The following GLI3 variants were observed in gnomAD, a reference collection of about 807,000 sequenced individuals.
GLI3 encodes transcription activator GLI3.
In GLI3, 20 loss-of-function variants were observed where a neutral mutation model predicts 100.8. The ratio of observed to expected loss-of-function variants is 0.20; its 90% CI spans 0.14 to 0.29. The LOEUF is 0.29. Ranked by LOEUF, GLI3 falls within the 10% of genes least tolerant of loss-of-function variation. The pLI, the probability that GLI3 is intolerant of heterozygous loss-of-function variation, is 1.00. For missense variants in GLI3, 2,040 were observed against 2,128.5 expected, an observed-to-expected ratio of 0.96 and a Z score of 0.82; for synonymous variants, 938 against 860.5, an observed-to-expected ratio of 1.09 and a Z score of -1.58.
intron 2 of GLI3, among the ~76,000 whole-genome samples, chr7:42,199,085 A>G (rs899471491): frequency 3.3e-5 from 5 of 152,218 alleles, no homozygotes; most frequent in Non-Finnish European, 5.9e-5. Flanking sequence ...AGAAGAATAC[A>G]CTGAGAATAC....
At chr7:41,994,391 C>T (rs1253115871) in intron 10 of GLI3, among the ~76,000 whole-genome samples, 2 of 152,192 alleles carry the variant, frequency 1.3e-5, no homozygotes, top group African/African-American at 4.8e-5. Context: ...TCATGACTAA[C>T]ATGTTTGAAG....
Position 41,972,674 on chromosome 7 carries a change from C to G in GLI3, c.1813-47G>C. 1 of 1,521,392 alleles carries G rather than the reference C, an allele frequency of 6.6e-7. No homozygotes were observed. Among genetic ancestry groups the G allele is most frequent in the South Asian group, 1.1e-5 (1 of 88,444 alleles). The allele number at this position is 1,521,392 out of a possible 1,614,324, so 94.2% of individuals were successfully genotyped here. The stretch of plus-strand genomic sequence containing the variant: ...AGGTAAGAGATTGTTATGAAAGAGA[C>G]TATGCCCCAGCCCAAAAGTCCTTTA... On this transcript the variant is annotated intron_variant, in intron 12 of 14. Coordinates refer to ENST00000395925, the MANE Select transcript of GLI3 (RefSeq NM_000168.6). This position sits in a 1 kb window ranked among gnomAD's most constrained non-coding sequence, Gnocchi z 4.4.
chr7:42,199,167 G>T (rs1583641240), intron 2 of GLI3, among the ~76,000 whole-genome samples: 1 of 152,288 alleles, frequency 6.6e-6, no homozygotes, highest in East Asian at 1.9e-4. Context: ...CACAAAGCTG[G>T]ATCCAAATGT....
intron 2 of GLI3, among the ~76,000 whole-genome samples, chr7:42,213,881 T>C (rs1311416810): frequency 6.6e-6 from 1 of 152,346 alleles, no homozygotes; most frequent in Non-Finnish European, 1.5e-5. Flanking sequence ...AATGACTAAC[T>C]AGACACAGCA....
At chr7:42,109,840 T>C (rs1785663635) in intron 3 of GLI3, among the ~76,000 whole-genome samples, 1 of 152,192 alleles carries the variant, frequency 6.6e-6, no homozygotes, top group Admixed American at 6.5e-5. Context: ...AACGTCGGCT[T>C]TTCCACTTGC....
chr7:42,023,368 G>A, intron 10 of GLI3, 100 bp downstream of exon 10: 1 of 1,243,640 alleles, frequency 8.0e-7, no homozygotes, highest in Non-Finnish European at 1.2e-6. Context: ...TCGCAATGCG[G>A]CTCCTAAGAA....
At chr7:42,124,179 A>G (rs1786070742) in intron 3 of GLI3, among the ~76,000 whole-genome samples, 1 of 152,208 alleles carries the variant, frequency 6.6e-6, no homozygotes, top group Non-Finnish European at 1.5e-5. Flanking sequence ...CAATGTAAAC[A>G]CACCACAAAA....
rs537307301 is a variant in GLI3, at chr7:42,106,555, G to T, written c.368-29698C>A. Among the ~76,000 whole-genome samples, 100 of 152,324 alleles carry T rather than the reference G, an allele frequency of 6.6e-4. 1 individual carries two copies. Among genetic ancestry groups the T allele is most frequent in the South Asian group, 2.5e-3 (12 of 4,828 alleles). On this transcript the variant is annotated intron_variant, in intron 3 of 14. Coordinates refer to ENST00000395925, the MANE Select transcript of GLI3 (RefSeq NM_000168.6). ...ATTTGTTTTGCTGCTGGACAGAAGAGCTCCTTCTTTTAGAATCATTTGCAG... is the reference window on the plus strand; with the variant it reads ...ATTTGTTTTGCTGCTGGACAGAAGATCTCCTTCTTTTAGAATCATTTGCAG...
intron 2 of GLI3, among the ~76,000 whole-genome samples, chr7:42,185,380 C>T (rs565454954): frequency 6.6e-6 from 1 of 152,362 alleles, no homozygotes; most frequent in African/African-American, 2.4e-5. Context: ...CACTCATGCT[C>T]TCCCGCATCT....
chr7:42,055,910 A>G (rs1397708197), intron 4 of GLI3, among the ~76,000 whole-genome samples: 1 of 152,182 alleles, frequency 6.6e-6, no homozygotes, highest in Non-Finnish European at 1.5e-5. Flanking sequence ...TCTCATCTTG[A>G]ATTCCCATGT....
At chr7:42,229,892 A>T (rs1207454655) in intron 1 of GLI3, among the ~76,000 whole-genome samples, 2 of 152,178 alleles carry the variant, frequency 1.3e-5, no homozygotes, top group African/African-American at 2.4e-5. Flanking sequence ...TAAACATTTC[A>T]TTGGATTTCA....
At chr7:42,110,524 A>G (rs956672029) in intron 3 of GLI3, among the ~76,000 whole-genome samples, 2 of 152,172 alleles carry the variant, frequency 1.3e-5, no homozygotes, top group African/African-American at 4.8e-5. Flanking sequence ...CCAAGAAAGG[A>G]CAAGCCCACG....
At chr7:42,170,386 A>T (rs1787344386) in intron 2 of GLI3, among the ~76,000 whole-genome samples, 1 of 148,286 alleles carries the variant, frequency 6.7e-6, no homozygotes, top group South Asian at 2.1e-4. Flanking sequence ...TCTTACAGAG[A>T]ACTTACTGAT....
chr7:41,978,453 C>A, intron 11 of GLI3, 146 bp downstream of exon 11: 1 of 796,274 alleles, frequency 1.3e-6, no homozygotes. Flanking sequence ...CACTCAAACA[C>A]CGAGGCATTT....
chr7:42,112,040 A>G (rs965020422), intron 3 of GLI3, among the ~76,000 whole-genome samples: 1 of 152,236 alleles, frequency 6.6e-6, no homozygotes. Flanking sequence ...CTTGTGAAGG[A>G]CAAAAAAGTG....
At chr7:42,110,561 C>T (rs1416801074) in intron 3 of GLI3, among the ~76,000 whole-genome samples, 4 of 152,128 alleles carry the variant, frequency 2.6e-5, no homozygotes, top group South Asian at 2.1e-4. Context: ...ATAATAAACC[C>T]GGTAATTCAG....
intron 3 of GLI3, among the ~76,000 whole-genome samples, chr7:42,123,356 G>T (rs1298198246): frequency 6.6e-6 from 1 of 152,092 alleles, no homozygotes; most frequent in Non-Finnish European, 1.5e-5. Context: ...TCACAAACTT[G>T]GTGGTTTTTC....
intron 1 of GLI3, among the ~76,000 whole-genome samples, chr7:42,246,752 C>T (rs1236191045): frequency 2.2e-5 from 3 of 139,102 alleles, no homozygotes; most frequent in Non-Finnish European, 3.1e-5. Flanking sequence ...TTATTTTCGG[C>T]GGTTGGTAAA....
upstream of GLI3, among the ~76,000 whole-genome samples, chr7:42,241,097 A>C (rs958245035): frequency 6.6e-6 from 1 of 152,150 alleles, no homozygotes; most frequent in Admixed American, 6.5e-5. Flanking sequence ...GGCTGTTTTT[A>C]TTGACAAAAA....
Sources: allele counts gnomAD v4.1 joint callset (sites outside exome capture counted in the v4.1 genomes callset), GRCh38; gene constraint gnomAD v4.1.1; non-coding constraint Gnocchi (gnomAD v3.1); transcripts MANE v1.5; gene names NCBI Gene and HGNC (gene_info 2026-07-23, HGNC 2026-07-21).